OR4E2: variants seen among roughly 807,000 people sequenced by gnomAD.
The protein encoded by OR4E2 is olfactory receptor 4E2.
A neutral mutation model predicts 11.0 loss-of-function variants in OR4E2; 9 were observed. The ratio of observed to expected loss-of-function variants is 0.82; its 90% CI spans 0.49 to 1.43. The LOEUF is 1.43. OR4E2 is among the 40% of genes most tolerant of loss of function. OR4E2 has a pLI of 0.00. For synonymous variants in OR4E2, 159 were observed against 147.3 expected (o/e 1.08, Z -0.57); for missense variants, 441 against 382.0 (o/e 1.15, Z -1.29).
chr14:21,657,397 C>CCTTT (rs1566581752), intron 2 of OR4E2, among the ~76,000 whole-genome samples: 11 of 106,242 alleles, frequency 1.0e-4, no homozygotes, highest in African/African-American at 1.4e-4. Context: ...TTTCTTTCTT[C>CCTTT]CTTCCTTCCT....
chr14:21,663,839 T>C (rs1880474766), intron 3 of OR4E2, among the ~76,000 whole-genome samples: 1 of 152,218 alleles, frequency 6.6e-6, no homozygotes, highest in Non-Finnish European at 1.5e-5. Context: ...CACTTATAAA[T>C]GGGAACATGT....
chr14:21,655,376 A>G (rs1044671891), intron 1 of OR4E2, among the ~76,000 whole-genome samples: 1 of 152,130 alleles, frequency 6.6e-6, no homozygotes, highest in African/African-American at 2.4e-5. Context: ...AAATTTTTGT[A>G]TTTTCTTACC....
In OR4E2 at chr14:21,658,002, C is replaced by A. The variant is rs10144604; in HGVS notation, c.-103+1413C>A. On this transcript the variant is annotated intron_variant, in intron 2 of 3. Transcript: ENST00000641524. ...TTTTTTTTCTCAGAGATTTCTTTCCCAGTTTTAGTTGGTAACTGAGTAGAT... is the reference window on the plus strand; with the variant it reads ...TTTTTTTTCTCAGAGATTTCTTTCCAAGTTTTAGTTGGTAACTGAGTAGAT... Among the ~76,000 whole-genome samples, 527 of 152,192 alleles carry A rather than the reference C, an allele frequency of 3.5e-3. 1 individual carries two copies. The highest frequency in any genetic ancestry group is 0.012 in the African/African-American group (511 of 41,524).
intron 1 of OR4E2, among the ~76,000 whole-genome samples, chr14:21,654,700 G>A (rs562348523): frequency 1.3e-5 from 2 of 152,018 alleles, no homozygotes; most frequent in South Asian, 2.1e-4. Context: ...GTTCAAATCC[G>A]TGTTGTTCAA....
At chr14:21,664,918 G>A (rs1880543893) in intron 3 of OR4E2, among the ~76,000 whole-genome samples, 157 bp from the exon 4 acceptor site, 1 of 152,200 alleles carries the variant, frequency 6.6e-6, no homozygotes, top group Admixed American at 6.5e-5. Flanking sequence ...CTCCTGGTAA[G>A]TAGTGGGTAT....
chr14:21,657,755 T>C (rs1195499778), intron 2 of OR4E2, among the ~76,000 whole-genome samples: 1 of 151,924 alleles, frequency 6.6e-6, no homozygotes, highest in Non-Finnish European at 1.5e-5. Context: ...CACGCCCAGC[T>C]AATTTTGTAT....
rs1880603880 is a variant in OR4E2, at chr14:21,665,659, T to C, written c.577T>C (p.Tyr193His). Reference protein sequence around the residue: ...LVIKLACTDTYLTGILIVTNS... With the variant: ...LVIKLACTDTHLTGILIVTNS... ...TATCAAGCTGGCCTGCACAGATACA[T>C]ACCTCACAGGAATACTGATTGTGAC... Residue 193 changes from tyrosine (Y) to histidine (H), a missense_variant, in exon 4 of 4, where the codon TAC (tyrosine) becomes CAC (histidine). Physicochemically the swap from Tyr to His is moderately conservative, Grantham distance 83. Coordinates refer to ENST00000641524, the MANE Select transcript of OR4E2 (RefSeq NM_001001912.3). The C allele has an allele frequency of 6.2e-7, 1 of 1,614,046 alleles. No individual in the cohort carries two copies. Among genetic ancestry groups the C allele is most frequent in the South Asian group, 1.1e-5 (1 of 91,082 alleles).
At position 21,654,504 on chromosome 14, in the gene OR4E2, A is replaced by T. The variant is rs147753991; in HGVS notation, c.-191+565A>T. On this transcript the variant is annotated intron_variant, in intron 1 of 3. Transcript: ENST00000641524. ...GCATGCACACACACATACATAAATT[A>T]GTCCTTTGGTATACATGGGAGGATT... Among the ~76,000 whole-genome samples the T allele has an allele frequency of 9.9e-4, 151 of 151,862 alleles. 2 individuals carry two copies. The highest frequency in any genetic ancestry group is 3.5e-3 in the African/African-American group (146 of 41,322).
intron 3 of OR4E2, among the ~76,000 whole-genome samples, chr14:21,664,808 A>C (rs1594550204): frequency 6.6e-6 from 1 of 152,176 alleles, no homozygotes; most frequent in South Asian, 2.1e-4. Context: ...TCGGGCATTT[A>C]TTTATTCTTG....
chr14:21,657,337 G>GCTTCCTTCCTTCCTTCCTTC lies in OR4E2; in HGVS notation c.-103+780_-103+799dup, dbSNP rs544921356. Among the ~76,000 whole-genome samples the GCTTCCTTCCTTCCTTCCTTC allele has an allele frequency of 1.7e-3, 188 of 112,484 alleles. 2 individuals carry two copies. The highest frequency in any genetic ancestry group is 2.4e-3 in the African/African-American group (72 of 29,442). 73.8% of individuals were successfully genotyped at this position (112,484 alleles called of 152,430 possible). A position where few individuals can be genotyped will look rare whatever the true frequency, so the allele number is the denominator to read the frequency against. On this transcript the variant is annotated intron_variant, in intron 2 of 3. Coordinates refer to ENST00000641524, the MANE Select transcript of OR4E2 (RefSeq NM_001001912.3). ...AATGTATGGAGTTGTGATGTTAAAT[G>GCTTCCTTCCTTCCTTCCTTC]CTTCCTTCCTTCCTTCCTTCCTTCC...
At chr14:21,656,967 G>A (rs927961372) in intron 2 of OR4E2, among the ~76,000 whole-genome samples, 11 of 152,142 alleles carry the variant, frequency 7.2e-5, no homozygotes, top group Non-Finnish European at 1.6e-4. Flanking sequence ...GAGTCTTGAG[G>A]TTGTAAGGGA....
intron 1 of OR4E2, among the ~76,000 whole-genome samples, chr14:21,655,233 C>T (rs79653679): frequency 0.02 from 3,075 of 152,108 alleles, 111 homozygotes; most frequent in African/African-American, 0.07. Flanking sequence ...GCTAAAGGAG[C>T]AAAAAGAAGC....
intron 2 of OR4E2, among the ~76,000 whole-genome samples, chr14:21,659,795 C>G (rs1401591295): frequency 6.6e-6 from 1 of 151,922 alleles, no homozygotes; most frequent in African/African-American, 2.4e-5. Context: ...AACAAAGATC[C>G]CTGTCCTTTT....
intron 2 of OR4E2, among the ~76,000 whole-genome samples, chr14:21,660,173 T>C (rs1405889267): frequency 1.3e-5 from 2 of 152,136 alleles, no homozygotes; most frequent in Non-Finnish European, 2.9e-5. Flanking sequence ...CATCAGGCAT[T>C]AGATTCTCAC....
chr14:21,658,452 T>G (rs1204548779), intron 2 of OR4E2, among the ~76,000 whole-genome samples: 1 of 152,216 alleles, frequency 6.6e-6, no homozygotes, highest in Non-Finnish European at 1.5e-5. Context: ...GAAAATCATG[T>G]TCCTCTTGGC....
rs1880577959 is a variant in OR4E2 at position 21,665,337 on chromosome 14, G to T, written c.255G>T (p.Leu85Phe). The change falls in exon 4 of 4, where the codon TTG becomes TTT. Residue 85 changes from leucine to phenylalanine, a missense_variant. Leu to Phe is a conservative substitution (Grantham distance 22). Coordinates refer to ENST00000641524, the MANE Select transcript of OR4E2 (RefSeq NM_001001912.3). ...CTGTGCCTAAGATGTTGGAGGGTTT[G>T]CTTTTAGAAAGAAAGACCATTTCCT... is the stretch of plus-strand genomic sequence containing the variant. The part of the protein sequence containing the change: ...SVTVPKMLEG[L>F]LLERKTISFD... 6.2e-6 allele frequency: 10 copies of T among 1,614,096 alleles called. No homozygotes were observed. Among genetic ancestry groups the T allele is most frequent in the Non-Finnish European group, 8.5e-6 (10 of 1,180,006 alleles).
rs1183927147 is a variant in OR4E2, at chr14:21,665,350, A to G, written c.268A>G (p.Lys90Glu). ...GTTGGAGGGTTTGCTTTTAGAAAGA[A>G]AGACCATTTCCTTTGACAACTGCAT... is the stretch of plus-strand genomic sequence containing the variant. The part of the protein sequence containing the change: ...KMLEGLLLER[K>E]TISFDNCITQ... Residue 90 changes from lysine (K) to glutamate (E), a missense_variant, in exon 4 of 4, where the codon AAG (lysine) becomes GAG (glutamate). Lys to Glu is a moderately conservative substitution (Grantham distance 56). Transcript: ENST00000641524. The G allele has an allele frequency of 6.2e-7, 1 of 1,614,116 alleles. No homozygotes were observed. Among genetic ancestry groups the G allele is most frequent in the East Asian group, 2.2e-5 (1 of 44,884 alleles).
At chr14:21,654,441 A>C (rs1380386850) in intron 1 of OR4E2, among the ~76,000 whole-genome samples, 2 of 151,016 alleles carry the variant, frequency 1.3e-5, no homozygotes, top group African/African-American at 4.9e-5. Context: ...ATGCACACAC[A>C]TGCATGCACA....
intron 3 of OR4E2, among the ~76,000 whole-genome samples, chr14:21,662,641 TTA>T (rs1205978307): frequency 2.0e-5 from 3 of 152,156 alleles, no homozygotes; most frequent in Non-Finnish European, 2.9e-5. Context: ...TTAACACGCT[TTA>T]TCTCATTTTT....
Sources: allele counts gnomAD v4.1 joint callset (sites outside exome capture counted in the v4.1 genomes callset), GRCh38; gene constraint gnomAD v4.1.1; transcripts MANE v1.5; gene names NCBI Gene and HGNC (gene_info 2026-07-23, HGNC 2026-07-21).